The following FAR2 variants were observed in gnomAD, a reference collection of about 807,000 sequenced individuals.
FAR2 encodes the protein fatty acyl-CoA reductase 2, also known as epididymis secretory protein Li 81.
Under a neutral mutation model 56.0 loss-of-function variants are expected in FAR2, and 19 were observed. That is an observed-to-expected ratio of 0.34 (90% CI 0.24 to 0.50). FAR2 has a LOEUF of 0.50. Ranked by LOEUF, FAR2 falls within the 20% of genes least tolerant of loss-of-function variation. The probability of loss-of-function intolerance (pLI) is 0.98; values close to 1 mark genes in which losing one functional copy is unlikely to be tolerated. For synonymous variants in FAR2, 219 were observed against 218.8 expected (o/e 1.00, Z -0.01); for missense variants, 508 against 642.2 (o/e 0.79, Z 2.26).
chr12:29,283,168 A>G (rs1948813309), intron 2 of FAR2, among the ~76,000 whole-genome samples: 1 of 152,248 alleles, frequency 6.6e-6, no homozygotes, highest in South Asian at 2.1e-4. Flanking sequence ...GTATCCAGGC[A>G]TTAAGAATCA....
At chr12:29,191,944 TATAGAGACTACTACTCCTTTAAAATAA>T (rs547191502) in intron 1 of FAR2, among the ~76,000 whole-genome samples, 150 of 152,358 alleles carry the variant, frequency 9.8e-4, no homozygotes, top group African/African-American at 3.0e-3. Flanking sequence ...CAAATTCTTG[TATAGAGACTACTACTCCTTTAAAATAA>T]ATAGTGGACT....
chr12:29,329,981 T>C lies in FAR2; in HGVS notation c.1258-2619T>C, dbSNP rs191017641. On this transcript the variant is annotated intron_variant, in intron 10 of 11. Transcript: ENST00000536681. ...TCTGGTAGTAAAGTGAAAAGGAAAA[T>C]ATAGTTTCATAGGACTCGTTGTTCA... 1.4e-3 allele frequency among the ~76,000 whole-genome samples: 208 copies of C among 152,044 alleles called. 2 individuals are homozygous for C. The highest frequency in any genetic ancestry group is 4.9e-4 in the Non-Finnish European group (33 of 67,974).
intron 1 of FAR2, among the ~76,000 whole-genome samples, chr12:29,236,198 A>G (rs36040692): frequency 0.14 from 20,668 of 152,198 alleles, 1,647 homozygotes; most frequent in East Asian, 0.27. Context: ...AACAAAACAA[A>G]ATAATAGGAA....
At position 29,321,917 on chromosome 12, in the gene FAR2, A is replaced by T; in HGVS notation, c.1250A>T (p.Asp417Val). The change falls in exon 10 of 12, where the codon GAC becomes GTC. Residue 417 changes from aspartate to valine, a missense_variant. Asp to Val is a radical substitution (Grantham distance 152, BLOSUM62 -3). Coordinates refer to ENST00000536681, the MANE Select transcript of FAR2 (RefSeq NM_001271783.2). ...CTGATGTCTGAGCTGAGTCCTGAAGACCAGAGAGTAAGTAGAGCACTGACT... is the reference window on the plus strand; with the variant it reads ...CTGATGTCTGAGCTGAGTCCTGAAGTCCAGAGAGTAAGTAGAGCACTGACT... ...EMLMSELSPE[D>V]QRVFNFDVRQ... is the part of the protein sequence containing the mutation. 6.2e-7 allele frequency: 1 copy of T among 1,612,358 alleles called. No individual in the cohort carries two copies. The highest frequency in any genetic ancestry group is 8.5e-7 in the Non-Finnish European group (1 of 1,179,026).
At chr12:29,167,342 A>G (rs1158949381) in intron 1 of FAR2, among the ~76,000 whole-genome samples, 1 of 152,110 alleles carries the variant, frequency 6.6e-6, no homozygotes, top group African/African-American at 2.4e-5. Context: ...ATAACCAAAG[A>G]TCTGTCTCTG....
intron 1 of FAR2, among the ~76,000 whole-genome samples, chr12:29,225,746 G>A (rs947423662): frequency 5.3e-5 from 8 of 152,158 alleles, no homozygotes; most frequent in Non-Finnish European, 8.8e-5. Context: ...GTCTCCACTG[G>A]AGCTGCCACA....
chr12:29,312,958 C>T (rs1949379036), intron 8 of FAR2, among the ~76,000 whole-genome samples: 1 of 152,092 alleles, frequency 6.6e-6, no homozygotes, highest in East Asian at 1.9e-4. Context: ...ATTTTTCTCT[C>T]CTCCTCTTAC....
intron 1 of FAR2, among the ~76,000 whole-genome samples, chr12:29,181,017 C>G (rs1949986950): frequency 6.6e-6 from 1 of 151,940 alleles, no homozygotes; most frequent in Non-Finnish European, 1.5e-5. Context: ...TATGTTGTAT[C>G]TAGTTTTATT....
At chr12:29,196,074 A>G (rs1295247191) in intron 1 of FAR2, among the ~76,000 whole-genome samples, 1 of 152,132 alleles carries the variant, frequency 6.6e-6, no homozygotes, top group Non-Finnish European at 1.5e-5. Flanking sequence ...TGTACATGAC[A>G]TATTTTCTTT....
rs138028697 is a variant in FAR2 at position 29,189,755 on chromosome 12, G to A, written c.-39+40348G>A. On this transcript the variant is annotated intron_variant, in intron 1 of 11. Coordinates refer to ENST00000536681, the MANE Select transcript of FAR2 (RefSeq NM_001271783.2). ...CACTGAGTCACATTTTTAAAAGATC[G>A]CTCCAAAAATATTTTATAAAACAAC... Among the ~76,000 whole-genome samples the A allele has an allele frequency of 1.8e-3, 272 of 152,154 alleles. 2 individuals carry two copies. The highest frequency in any genetic ancestry group is 6.3e-3 in the African/African-American group (263 of 41,488).
At chr12:29,230,521 T>C (rs1437542260) in intron 1 of FAR2, among the ~76,000 whole-genome samples, 1 of 151,424 alleles carries the variant, frequency 6.6e-6, no homozygotes, top group Non-Finnish European at 1.5e-5. Flanking sequence ...CCTTGGAGAG[T>C]TTTAGCAAAG....
chr12:29,266,965 T>C (rs1948527132), intron 1 of FAR2, among the ~76,000 whole-genome samples: 1 of 152,100 alleles, frequency 6.6e-6, no homozygotes, highest in African/African-American at 2.4e-5. Flanking sequence ...ATGTGACATC[T>C]TCAGAACAAA....
At chr12:29,196,402 T>C (rs1457739806) in intron 1 of FAR2, among the ~76,000 whole-genome samples, 2 of 152,184 alleles carry the variant, frequency 1.3e-5, no homozygotes, top group East Asian at 3.8e-4. Context: ...CCTGGTGATG[T>C]CTCATTGTGC....
chr12:29,309,615 T>C (rs1949312379), intron 6 of FAR2, among the ~76,000 whole-genome samples: 1 of 152,150 alleles, frequency 6.6e-6, no homozygotes, highest in Non-Finnish European at 1.5e-5. Flanking sequence ...AAATTCTTGA[T>C]TATAAAACAC....
intron 1 of FAR2, among the ~76,000 whole-genome samples, chr12:29,154,871 C>T (rs916792637): frequency 1.1e-4 from 17 of 152,176 alleles, no homozygotes; most frequent in African/African-American, 3.4e-4. Flanking sequence ...AGAGAGCCAG[C>T]ATTCAGCATA....
chr12:29,274,067 T>C (rs1472744571), intron 2 of FAR2, among the ~76,000 whole-genome samples: 1 of 152,140 alleles, frequency 6.6e-6, no homozygotes, highest in Admixed American at 6.5e-5. Flanking sequence ...TTTTTAATTA[T>C]ACTTTAAGTT....
intron 1 of FAR2, among the ~76,000 whole-genome samples, chr12:29,256,078 G>C (rs1948311705): frequency 6.6e-6 from 1 of 152,096 alleles, no homozygotes; most frequent in Non-Finnish European, 1.5e-5. Flanking sequence ...CATCATGTTA[G>C]CCAGGCTAGT....
chr12:29,325,347 A>T (rs1231409590), intron 10 of FAR2, among the ~76,000 whole-genome samples: 2 of 152,218 alleles, frequency 1.3e-5, no homozygotes, highest in Non-Finnish European at 2.9e-5. Context: ...TCAATGACAC[A>T]GAAAGTTAAC....
intron 2 of FAR2, chr12:29,291,483 T>C (rs975521461): frequency 2.2e-6 from 1 of 455,848 alleles, no homozygotes; most frequent in Non-Finnish European, 4.4e-6. Flanking sequence ...ATGCAGTTAT[T>C]CATCTGCAAT....
Sources: gnomAD v4.1 joint callset for allele counts (sites outside exome capture counted in the v4.1 genomes callset) on GRCh38, gnomAD v4.1.1 for gene constraint, MANE v1.5 for transcripts, NCBI Gene and HGNC (gene_info 2026-07-23, HGNC 2026-07-21) for gene names.